Variants in METTL27 observed in about 807,000 individuals in gnomAD.
METTL27 encodes the protein methyltransferase like 27, also known as methyltransferase-like protein 27.
METTL27 carries 29 observed loss-of-function variants against 24.5 expected under a neutral mutation model. The ratio of observed to expected loss-of-function variants is 1.18; its 90% CI spans 0.88 to 1.61. The LOEUF is 1.61. Among genes scored for constraint, METTL27 ranks in the 40% most tolerant of loss-of-function variants. The pLI is 0.00. For missense variants in METTL27, 341 were observed against 324.3 expected, an observed-to-expected ratio of 1.05 and a Z score of -0.40; for synonymous variants, 138 against 146.8, an observed-to-expected ratio of 0.94 and a Z score of 0.43.
intron 5 of METTL27, among the ~76,000 whole-genome samples, chr7:73,836,049 C>T (rs1358767750): frequency 6.6e-6 from 1 of 150,462 alleles, no homozygotes; most frequent in African/African-American, 2.5e-5. Context: ...AGGAGCGTCT[C>T]CGCCCGGCAG....
chr7:73,840,126 T>C lies in METTL27; in HGVS notation c.389-6A>G, dbSNP rs1554636040. The C allele has an allele frequency of 2.4e-6, 3 of 1,258,372 alleles. No individual in the cohort carries two copies. Among genetic ancestry groups the C allele is most frequent in the Admixed American group, 2.3e-5 (1 of 43,802 alleles). The allele number at this position is 1,258,372 out of a possible 1,614,324, so 78.0% of individuals were successfully genotyped here. A position where few individuals can be genotyped will look rare whatever the true frequency, so the allele number is the denominator to read the frequency against. ...CAGCACCGCGTCGAAGGTCCCTGTG[T>C]GTGTGTGGGGGGGGGTGGGGACATG... On this transcript the variant is annotated splice_region_variant and splice_polypyrimidine_tract_variant and intron_variant, in intron 4 of 5. Transcript: ENST00000297873.
chr7:73,835,920 TGAG>T (rs1489644017), intron 5 of METTL27, among the ~76,000 whole-genome samples: 1 of 138,042 alleles, frequency 7.2e-6, no homozygotes, highest in Non-Finnish European at 1.6e-5. Context: ...GTCTGGGAGG[TGAG>T]GAGCATCTCT....
intron 2 of METTL27, 26 bp downstream of exon 2, chr7:73,841,992 G>A: frequency 1.9e-6 from 3 of 1,613,978 alleles, no homozygotes; most frequent in Non-Finnish European, 2.5e-6. Flanking sequence ...CTGGTCTAGT[G>A]GAGGCAAGGC....
rs1426471865 is a variant in METTL27, at chr7:73,841,059, A to T, written c.252+11T>A. The T allele has an allele frequency of 6.1e-6, 9 of 1,474,130 alleles. No homozygotes were observed. Among genetic ancestry groups the T allele is most frequent in the Non-Finnish European group, 8.1e-6 (9 of 1,117,644 alleles). The allele number at this position is 1,474,130 out of a possible 1,614,324, so 91.3% of individuals were successfully genotyped here. A position where few individuals can be genotyped will look rare whatever the true frequency, so the allele number is the denominator to read the frequency against. On this transcript the variant is annotated intron_variant, in intron 3 of 5. Transcript: ENST00000297873. ...GCTAAGGAGTAGGCAGGGGATCTGG[A>T]AGAGCCTCACCTCGGCAGCCACTAG...
rs782036101 is a variant in METTL27 at position 73,840,513 on chromosome 7, C to T, written c.289G>A (p.Asp97Asn). ...APGFLQLHGVDGSPGMLEQAQ... is the reference protein window; with the variant it reads ...APGFLQLHGVNGSPGMLEQAQ... ...TGTTCCAGCATCCCTGGGCTCCCAT[C>T]CACCCCATGCAGCTGGAGGAAGCCT... The change falls in exon 4 of 6, where the codon GAT (aspartate) becomes AAT (asparagine). Residue 97 changes from aspartate (D) to asparagine (N), a missense_variant. Asp to Asn is a conservative substitution (Grantham distance 23). Coordinates refer to ENST00000297873, the MANE Select transcript of METTL27 (RefSeq NM_152559.3). The T allele has an allele frequency of 6.2e-7, 1 of 1,609,558 alleles. No individual in the cohort carries two copies.
intron 3 of METTL27, 145 bp downstream of exon 3, chr7:73,840,925 T>G: frequency 1.6e-6 from 2 of 1,282,862 alleles, no homozygotes; most frequent in Non-Finnish European, 2.0e-6. Context: ...CCTCCCATAG[T>G]GTGAGCCACA....
Position 73,842,225 on chromosome 7 carries a change from A to C in METTL27, c.-4-81T>G, listed in dbSNP as rs1788387248. 6.0e-6 allele frequency: 9 copies of C among 1,511,970 alleles called. No individual in the cohort carries two copies. In the Admixed American group the frequency reaches 6.6e-5, roughly 11 times the overall value. The allele number at this position is 1,511,970 out of a possible 1,614,324, so 93.7% of individuals were successfully genotyped here. On this transcript the variant is annotated intron_variant, in intron 1 of 5. Coordinates refer to ENST00000297873, the MANE Select transcript of METTL27 (RefSeq NM_152559.3). The stretch of plus-strand genomic sequence containing the variant: ...TTTCCCCCTTCCCTCCTCCCCCTTC[A>C]GAGGAGGCTGCCAGGCCTCCTGCCA...
In METTL27 at chr7:73,835,194, C is replaced by CCCT. The variant is rs1324756175; in HGVS notation, c.479-195_479-193dup. 8.4e-4 allele frequency: 263 copies of CCCT among 313,660 alleles called. 1 individual carries two copies. Among genetic ancestry groups the CCCT allele is most frequent in the African/African-American group, 2.3e-3 (54 of 23,478 alleles). 19.4% of individuals were successfully genotyped at this position (313,660 alleles called of 1,614,324 possible). ...CTCCTCTCCCTCCTCTCCCTCCTCT[C>CCCT]CCTCTCCCTCTCCCTCTCCCTCTCC... On this transcript the variant is annotated intron_variant, in intron 5 of 5. Coordinates refer to ENST00000297873, the MANE Select transcript of METTL27 (RefSeq NM_152559.3).
intron 5 of METTL27, among the ~76,000 whole-genome samples, chr7:73,838,694 G>T (rs1050703694): frequency 1.3e-5 from 2 of 152,184 alleles, no homozygotes; most frequent in South Asian, 4.1e-4. Context: ...CCAGTAGAAA[G>T]TTCCTGTCTT....
chr7:73,840,139 G>A lies in METTL27; in HGVS notation c.389-19C>T. 2 of 1,451,658 alleles carry A rather than the reference G, an allele frequency of 1.4e-6. No individual in the cohort carries two copies. The highest frequency in any genetic ancestry group is 1.9e-6 in the Non-Finnish European group (2 of 1,052,088). The allele number at this position is 1,451,658 out of a possible 1,614,324, so 89.9% of individuals were successfully genotyped here. On this transcript the variant is annotated intron_variant, in intron 4 of 5. Transcript: ENST00000297873. ...AAGGTCCCTGTGTGTGTGTGGGGGG[G>A]GGTGGGGACATGGTGTGATGCTTGG... is the stretch of plus-strand genomic sequence containing the variant.
chr7:73,836,045 G>A (rs868987914), intron 5 of METTL27, among the ~76,000 whole-genome samples: 33 of 144,592 alleles, frequency 2.3e-4, no homozygotes, highest in African/African-American at 8.1e-4. Flanking sequence ...AGTGAGGAGC[G>A]TCTCCGCCCG....
intron 5 of METTL27, among the ~76,000 whole-genome samples, chr7:73,839,054 C>T (rs955877331): frequency 1.2e-4 from 18 of 152,120 alleles, no homozygotes; most frequent in African/African-American, 3.1e-4. Flanking sequence ...GAGGCCAAGG[C>T]GGGCGATCAC....
Position 73,841,879 on chromosome 7 carries a change from G to A in METTL27, c.123+139C>T, listed in dbSNP as rs964773160. The stretch of plus-strand genomic sequence containing the variant: ...ATCCAGAGCTGTGGGGCGGGTTCTG[G>A]AAGGGGCAGGACTGTAGGGTTCTTA... On this transcript the variant is annotated intron_variant, in intron 2 of 5. Coordinates refer to ENST00000297873, the MANE Select transcript of METTL27 (RefSeq NM_152559.3). 1.6e-5 allele frequency: 23 copies of A among 1,405,900 alleles called. No homozygotes were observed. In the African/African-American group the frequency reaches 2.8e-4, roughly 17 times the overall value. 87.1% of individuals were successfully genotyped at this position (1,405,900 alleles called of 1,614,324 possible).
chr7:73,836,015 G>A (rs1305967949), intron 5 of METTL27, among the ~76,000 whole-genome samples: 812 of 104,748 alleles, frequency 7.8e-3, no homozygotes, highest in African/African-American at 0.026. Flanking sequence ...CCCTCCGCCC[G>A]GCAGCCGCCC....
chr7:73,835,040 G>C (rs561323849), intron 5 of METTL27, 38 bp from the exon 6 acceptor site: 1 of 1,573,372 alleles, frequency 6.4e-7, no homozygotes, highest in Admixed American at 1.8e-5. Flanking sequence ...GGAGGGGCAG[G>C]AGCCACAGTC....
intron 5 of METTL27, among the ~76,000 whole-genome samples, chr7:73,838,105 G>A (rs376912220): frequency 1.3e-5 from 2 of 152,092 alleles, no homozygotes; most frequent in African/African-American, 2.4e-5. Flanking sequence ...CTCCTGCCTC[G>A]GTTTCCCAAA....
In METTL27 at chr7:73,834,901, C is replaced by T. The variant is rs1352333852; in HGVS notation, c.580G>A (p.Glu194Lys). 6.2e-7 allele frequency: 1 copy of T among 1,613,966 alleles called. No homozygotes were observed. The highest frequency in any genetic ancestry group is 8.5e-7 in the Non-Finnish European group (1 of 1,180,036). The change falls in exon 6 of 6, where the codon GAA becomes AAA. Residue 194 changes from glutamate to lysine, a missense_variant. Coordinates refer to ENST00000297873, the MANE Select transcript of METTL27 (RefSeq NM_152559.3). ...TCCACAGGCCAGGCCACCAGGCCTT[C>T]CCACATCCCAGCCTGCTCCAGCCTG... ...LDRLEQAGMW[E>K]GLVAWPVDRL... is the part of the protein sequence containing the mutation.
At chr7:73,840,316 G>C in intron 4 of METTL27, 98 bp downstream of exon 4, 1 of 1,527,508 alleles carries the variant, frequency 6.5e-7, no homozygotes, top group Non-Finnish European at 8.8e-7. Context: ...GGTTGAGTGA[G>C]GGACTGGGAG....
chr7:73,835,098 C>T (rs543804302), intron 5 of METTL27, 96 bp from the exon 6 acceptor site: 45 of 1,459,680 alleles, frequency 3.1e-5, no homozygotes, highest in Admixed American at 2.5e-4. Context: ...GCAAGAAATT[C>T]GACTTAAAAG....
Sources: allele counts gnomAD v4.1 joint callset (sites outside exome capture counted in the v4.1 genomes callset), GRCh38; gene constraint gnomAD v4.1.1; transcripts MANE v1.5; gene names NCBI Gene and HGNC (gene_info 2026-07-23, HGNC 2026-07-21).